C11orf68: variants seen among roughly 807,000 people sequenced by gnomAD.
C11orf68 encodes UPF0696 protein C11orf68.
A neutral mutation model predicts 4.7 loss-of-function variants in C11orf68; 3 were observed. That is an observed-to-expected ratio of 0.64 (90% CI 0.29 to 1.66). The LOEUF is 1.66. Among genes scored for constraint, C11orf68 ranks in the 40% most tolerant of loss-of-function variants. C11orf68 has a pLI of 0.10. For missense variants in C11orf68, 422 were observed against 408.0 expected (o/e 1.03, Z -0.30); for synonymous variants, 186 against 167.8 (o/e 1.11, Z -0.84).
rs117188794 is a variant in C11orf68, at chr11:65,917,051, G to A, written c.*408C>T. 1.1e-3 allele frequency: 206 copies of A among 187,662 alleles called. 1 individual carries two copies. The East Asian group carries it at 0.024, about 22-fold the overall frequency. The allele number at this position is 187,662 out of a possible 1,614,324, so 11.6% of individuals were successfully genotyped here. A position where few individuals can be genotyped will look rare whatever the true frequency, so the allele number is the denominator to read the frequency against. ...GGGGCCCCTACCCCTGGACCATGAA[G>A]GCTCCAAGAAGGGCTGGAAGCACTA... On this transcript the variant is annotated 3_prime_UTR_variant, in exon 2 of 2. Coordinates refer to ENST00000438576, the MANE Select transcript of C11orf68 (RefSeq NM_001135635.2).
In C11orf68 at chr11:65,917,642, G is replaced by A. The variant is rs1854476234; in HGVS notation, c.699C>T (p.Ala233=). The A allele has an allele frequency of 6.2e-7, 1 of 1,614,040 alleles. No individual in the cohort carries two copies. The highest frequency in any genetic ancestry group is 1.7e-5 in the Admixed American group (1 of 60,024). Residue 233 remains alanine (A), a synonymous_variant, in exon 2 of 2, where the codon GCC becomes GCT. Coordinates refer to ENST00000438576, the MANE Select transcript of C11orf68 (RefSeq NM_001135635.2). ...DRLGVLEADS[A]IRAAGIKCLL... The stretch of plus-strand genomic sequence containing the variant: ...GGCACTTAATGCCCGCTGCACGGAT[G>A]GCTGAATCCGCCTCCAGTACACCCA...
Position 65,918,954 on chromosome 11 carries a change from G to C in C11orf68, c.78C>G (p.Ser26Arg), listed in dbSNP as rs1157993811. ...GGGAEPRQER[S>R]RARGWAGVER... ...CGACGCCGGCCCAGCCCCGGGCCCG[G>C]CTCCGCTCCTGCCGTGGCTCCGCGC... Residue 26 changes from serine (S) to arginine (R), a missense_variant, in exon 1 of 2, where the codon AGC becomes AGG. Physicochemically the swap from Ser to Arg is moderately radical, Grantham distance 110. Coordinates refer to ENST00000438576, the MANE Select transcript of C11orf68 (RefSeq NM_001135635.2). 91 of 1,222,962 alleles carry C rather than the reference G, an allele frequency of 7.4e-5. No homozygotes were observed. Among genetic ancestry groups the C allele is most frequent in the Non-Finnish European group, 8.9e-5 (87 of 976,032 alleles). 75.8% of individuals were successfully genotyped at this position (1,222,962 alleles called of 1,614,324 possible). A position where few individuals can be genotyped will look rare whatever the true frequency, so the allele number is the denominator to read the frequency against.
chr11:65,918,882 C>T, intron 1 of C11orf68, 28 bp downstream of exon 1: 4 of 1,240,722 alleles, frequency 3.2e-6, no homozygotes, highest in East Asian at 4.6e-5. Context: ...CCCGGCCCTG[C>T]CCTGCCCCTC....
Position 65,918,999 on chromosome 11 carries a change from C to G in C11orf68, c.33G>C (p.Gly11=). Reference sequence around the variant, plus strand: ...CCGCGCCACCGCCACCGCGCCCCACCCCCGCCACGGCCGCCGCCGCCGCCG... The same window carrying G: ...CCGCGCCACCGCCACCGCGCCCCACGCCCGCCACGGCCGCCGCCGCCGCCG... MAAAAAAAVA[G]VGRGGGGAEP... The change falls in exon 1 of 2, where the codon GGG becomes GGC. Residue 11 remains glycine, a synonymous_variant. Coordinates refer to ENST00000438576, the MANE Select transcript of C11orf68 (RefSeq NM_001135635.2). The G allele has an allele frequency of 8.6e-7, 1 of 1,162,428 alleles. No homozygotes were observed. Among genetic ancestry groups the G allele is most frequent in the South Asian group, 4.0e-5 (1 of 24,892 alleles). The allele number at this position is 1,162,428 out of a possible 1,614,324, so 72.0% of individuals were successfully genotyped here.
Position 65,917,841 on chromosome 11 carries a change from A to G in C11orf68, c.500T>C (p.Leu167Pro). ...LRQLAITHHV[L>P]SGKWLMHLAP... ...CAGATGCATAAGCCACTTGCCCGAG[A>G]GCACGTGGTGGGTGATGGCGAGCTG... Residue 167 changes from leucine to proline, a missense_variant, in exon 2 of 2, where the codon CTC becomes CCC. By Grantham distance (98) the Leu-to-Pro change is moderately conservative. Transcript: ENST00000438576. The G allele has an allele frequency of 1.2e-6, 2 of 1,612,000 alleles. No homozygotes were observed. The highest frequency in any genetic ancestry group is 1.7e-6 in the Non-Finnish European group (2 of 1,179,936).
chr11:65,919,052 A>G lies in C11orf68; in HGVS notation c.-21T>C. ...GCCATCTTAGCGCCGCGCCACCTCAACAACAACTTTATAGACAGGCGCAGC... is the reference window on the plus strand; with the variant it reads ...GCCATCTTAGCGCCGCGCCACCTCAGCAACAACTTTATAGACAGGCGCAGC... On this transcript the variant is annotated 5_prime_UTR_variant, in exon 1 of 2. Transcript: ENST00000438576. The G allele has an allele frequency of 8.9e-7, 1 of 1,127,762 alleles. No individual in the cohort carries two copies. The highest frequency in any genetic ancestry group is 4.2e-5 in the South Asian group (1 of 23,792). The allele number at this position is 1,127,762 out of a possible 1,614,324, so 69.9% of individuals were successfully genotyped here.
chr11:65,918,845 G>A, intron 1 of C11orf68, 65 bp downstream of exon 1: 1 of 1,109,724 alleles, frequency 9.0e-7, no homozygotes, highest in Non-Finnish European at 1.1e-6. Context: ...CGCCATTAAC[G>A]CCCACGGGCC....
At chr11:65,918,726 G>A (rs1854497448) in intron 1 of C11orf68, among the ~76,000 whole-genome samples, 184 bp downstream of exon 1, 1 of 152,248 alleles carries the variant, frequency 6.6e-6, no homozygotes, top group South Asian at 2.1e-4. Flanking sequence ...GGACGCTGAA[G>A]TCCAGAGAGG....
In C11orf68 at chr11:65,917,545, T is replaced by G; in HGVS notation, c.796A>C (p.Thr266Pro). 6.2e-7 allele frequency: 1 copy of G among 1,613,522 alleles called. No homozygotes were observed. ...AGCTGGAAACGGCTCTCATAGAGAG[T>G]GGGGCAGAGGTGCCAGCGATTGGCC... is the stretch of plus-strand genomic sequence containing the variant. The part of the protein sequence containing the change: ...YRANRWHLCP[T>P]LYESRFQLGG... Residue 266 changes from threonine to proline, a missense_variant, in exon 2 of 2, where the codon ACT becomes CCT. Physicochemically the swap from Thr to Pro is conservative, Grantham distance 38. Transcript: ENST00000438576.
chr11:65,918,232 G>C lies in C11orf68; in HGVS notation c.123-14C>G, dbSNP rs368300054. 1 of 1,506,752 alleles carries C rather than the reference G, an allele frequency of 6.6e-7. No homozygotes were observed. The highest frequency in any genetic ancestry group is 8.8e-7 in the Non-Finnish European group (1 of 1,131,554). 93.3% of individuals were successfully genotyped at this position (1,506,752 alleles called of 1,614,324 possible). ...GGTTCCATCCTGCTGTGAGGGAACC[G>C]AGTCAGGGCAGGGTCTGAGACAATA... On this transcript the variant is annotated splice_polypyrimidine_tract_variant and intron_variant, in intron 1 of 1. Coordinates refer to ENST00000438576, the MANE Select transcript of C11orf68 (RefSeq NM_001135635.2).
intron 1 of C11orf68, 44 bp downstream of exon 1, chr11:65,918,866 T>C: frequency 8.5e-7 from 1 of 1,176,514 alleles, no homozygotes; most frequent in Non-Finnish European, 1.1e-6. Flanking sequence ...CGAGCTGTGC[T>C]CCCGCCCCGG....
At chr11:65,918,866 TCCCGCCCCGGC>T (rs1854500510) in intron 1 of C11orf68, 33 bp downstream of exon 1, 2 of 1,176,514 alleles carry the variant, frequency 1.7e-6, no homozygotes, top group Non-Finnish European at 2.1e-6. Context: ...CGAGCTGTGC[TCCCGCCCCGGC>T]CCTGCCCTGC....
In C11orf68 at chr11:65,917,651, C is replaced by A. The variant is rs762790127; in HGVS notation, c.690G>T (p.Ala230=). ...DFTDRLGVLE[A]DSAIRAAGIK... ...TGCCCGCTGCACGGATGGCTGAATC[C>A]GCCTCCAGTACACCCAAGCGGTCCG... The change falls in exon 2 of 2, where the codon GCG becomes GCT. Residue 230 remains alanine, a synonymous_variant. Coordinates refer to ENST00000438576, the MANE Select transcript of C11orf68 (RefSeq NM_001135635.2). The A allele has an allele frequency of 6.2e-7, 1 of 1,614,018 alleles. No individual in the cohort carries two copies. The highest frequency in any genetic ancestry group is 1.7e-5 in the Admixed American group (1 of 60,016).
In C11orf68 at chr11:65,917,350, A is replaced by T; in HGVS notation, c.*109T>A. On this transcript the variant is annotated 3_prime_UTR_variant, in exon 2 of 2. Coordinates refer to ENST00000438576, the MANE Select transcript of C11orf68 (RefSeq NM_001135635.2). ...GATGCAGGTAGTTCCCAAGTGACCTAGGAGTCCCCAGAGCTGGGGGGTGTG... is the reference window on the plus strand; with the variant it reads ...GATGCAGGTAGTTCCCAAGTGACCTTGGAGTCCCCAGAGCTGGGGGGTGTG... The T allele has an allele frequency of 7.4e-7, 1 of 1,345,604 alleles. No individual in the cohort carries two copies. The highest frequency in any genetic ancestry group is 1.0e-6 in the Non-Finnish European group (1 of 980,310). The allele number at this position is 1,345,604 out of a possible 1,614,324, so 83.4% of individuals were successfully genotyped here. A position where few individuals can be genotyped will look rare whatever the true frequency, so the allele number is the denominator to read the frequency against.
intron 1 of C11orf68, among the ~76,000 whole-genome samples, chr11:65,918,627 C>G (rs1467986220): frequency 2.0e-5 from 3 of 152,170 alleles, no homozygotes; most frequent in Non-Finnish European, 2.9e-5. Flanking sequence ...TAGAGGAACG[C>G]AAAGAAGCGC....
At chr11:65,918,465 G>A (rs1017932571) in intron 1 of C11orf68, 4 of 452,070 alleles carry the variant, frequency 8.8e-6, no homozygotes, top group African/African-American at 2.0e-5. Context: ...GGAAACTGAG[G>A]CTGAGAAAAA....
chr11:65,917,473 C>T lies in C11orf68; in HGVS notation c.868G>A (p.Val290Met), dbSNP rs1482338579. ...ATTTGGCCCCCCTAGGTCAGTTCCA[C>T]GTTGTTGGCACGGTCAAGCACTCGG... is the stretch of plus-strand genomic sequence containing the variant. ...GSRVLDRANN[V>M]ELT Residue 290 changes from valine (V) to methionine (M), a missense_variant, in exon 2 of 2, where the codon GTG becomes ATG. Val to Met is a conservative substitution (Grantham distance 21, BLOSUM62 1). Transcript: ENST00000438576. 1.9e-6 allele frequency: 3 copies of T among 1,610,764 alleles called. No individual in the cohort carries two copies. The highest frequency in any genetic ancestry group is 2.5e-6 in the Non-Finnish European group (3 of 1,178,278).
In C11orf68 at chr11:65,917,229, G is replaced by A; in HGVS notation, c.*230C>T. ...AGTGGAGAGGAGCAGCATTACAAAGGGAGGCTGAAGGCTCATCCCTCAGGG... is the reference window on the plus strand; with the variant it reads ...AGTGGAGAGGAGCAGCATTACAAAGAGAGGCTGAAGGCTCATCCCTCAGGG... On this transcript the variant is annotated 3_prime_UTR_variant, in exon 2 of 2. Coordinates refer to ENST00000438576, the MANE Select transcript of C11orf68 (RefSeq NM_001135635.2). 1.8e-6 allele frequency: 1 copy of A among 566,202 alleles called. No homozygotes were observed. Among genetic ancestry groups the A allele is most frequent in the Non-Finnish European group, 3.1e-6 (1 of 320,758 alleles). The allele number at this position is 566,202 out of a possible 1,614,324, so 35.1% of individuals were successfully genotyped here.
At position 65,917,345 on chromosome 11, in the gene C11orf68, G is replaced by T; in HGVS notation, c.*114C>A. 2.3e-6 allele frequency: 3 copies of T among 1,311,680 alleles called. No homozygotes were observed. Among genetic ancestry groups the T allele is most frequent in the Non-Finnish European group, 3.2e-6 (3 of 950,968 alleles). 81.3% of individuals were successfully genotyped at this position (1,311,680 alleles called of 1,614,324 possible). On this transcript the variant is annotated 3_prime_UTR_variant, in exon 2 of 2. Transcript: ENST00000438576. ...CTGAAGATGCAGGTAGTTCCCAAGT[G>T]ACCTAGGAGTCCCCAGAGCTGGGGG...
Sources: allele counts gnomAD v4.1 joint callset (sites outside exome capture counted in the v4.1 genomes callset), GRCh38; gene constraint gnomAD v4.1.1; transcripts MANE v1.5; gene names NCBI Gene and HGNC (gene_info 2026-07-23, HGNC 2026-07-21).